Variants in CDH4 observed in about 807,000 individuals in gnomAD.
The protein encoded by CDH4 is cadherin 4.
CDH4 carries 33 observed loss-of-function variants against 86.0 expected under a neutral mutation model. The observed-to-expected ratio is 0.38, with a 90% CI of 0.29 to 0.51. The LOEUF (loss-of-function observed/expected upper bound fraction) is 0.51. Ranked by LOEUF, CDH4 falls within the 20% of genes least tolerant of loss-of-function variation. The pLI is 0.86. For missense variants in CDH4, 1,114 were observed against 1,307.4 expected (o/e 0.85, Z 2.28); for synonymous variants, 555 against 549.4 (o/e 1.01, Z -0.14).
At position 61,845,437 on chromosome 20, in the gene CDH4, G is replaced by A. The variant is rs1293439136; in HGVS notation, c.732+614G>A. Among the ~76,000 whole-genome samples the A allele has an allele frequency of 3.3e-5, 5 of 152,212 alleles. No homozygotes were observed. The East Asian group carries it at 5.8e-4, about 18-fold the overall frequency. The stretch of plus-strand genomic sequence containing the variant: ...CCAGGGGGCGGGCCTTCTCCTCCCG[G>A]GCCGAACTGACCCTGGCCGAGAGGA... On this transcript the variant is annotated intron_variant, in intron 5 of 15. Transcript: ENST00000614565.
At chr20:61,929,344 G>A (rs1312302984) in intron 12 of CDH4, among the ~76,000 whole-genome samples, 1 of 152,128 alleles carries the variant, frequency 6.6e-6, no homozygotes, top group Non-Finnish European at 1.5e-5. Flanking sequence ...TGCCATGTTG[G>A]CCAGGCTGGT....
intron 2 of CDH4, among the ~76,000 whole-genome samples, chr20:61,352,040 C>T (rs2084715895): frequency 6.6e-6 from 1 of 152,040 alleles, no homozygotes; most frequent in African/African-American, 2.4e-5. Context: ...TTTAAGTGTG[C>T]AATTAGATTA....
Position 61,393,671 on chromosome 20 carries a change from T to A in CDH4, c.169+138734T>A, listed in dbSNP as rs1466782564. On this transcript the variant is annotated intron_variant, in intron 2 of 15. Coordinates refer to ENST00000614565, the MANE Select transcript of CDH4 (RefSeq NM_001794.5). The surrounding 1 kb of genome is among the most constrained non-coding windows in gnomAD (Gnocchi z 4.3). Reference sequence around the variant, plus strand: ...GCAGCGAGGATCATCGAAGTAGACCTGGCTGGGTGAGAGTCACTGCAGCCC... The same window carrying A: ...GCAGCGAGGATCATCGAAGTAGACCAGGCTGGGTGAGAGTCACTGCAGCCC... Among the ~76,000 whole-genome samples, 2 of 152,136 alleles carry A rather than the reference T, an allele frequency of 1.3e-5. No homozygotes were observed. Among genetic ancestry groups the A allele is most frequent in the East Asian group, 3.9e-4 (2 of 5,188 alleles).
intron 2 of CDH4, among the ~76,000 whole-genome samples, chr20:61,375,552 G>A (rs2084862665): frequency 1.3e-5 from 2 of 151,112 alleles, no homozygotes; most frequent in South Asian, 4.2e-4. Context: ...TGGTCTTGGT[G>A]GTGGTGATGA....
intron 7 of CDH4, among the ~76,000 whole-genome samples, chr20:61,891,275 A>G (rs1355308617): frequency 6.6e-6 from 1 of 152,208 alleles, no homozygotes; most frequent in Non-Finnish European, 1.5e-5. Flanking sequence ...CTATGTGGTC[A>G]GCAGAACACA....
intron 2 of CDH4, among the ~76,000 whole-genome samples, chr20:61,372,103 TAG>T (rs1053157533): frequency 6.6e-6 from 1 of 152,340 alleles, no homozygotes; most frequent in East Asian, 1.9e-4. Flanking sequence ...CCTCCTGGGA[TAG>T]AGAGAAGCCG....
chr20:61,743,197 TG>T (rs1240532366), intron 2 of CDH4, among the ~76,000 whole-genome samples: 1 of 151,776 alleles, frequency 6.6e-6, no homozygotes, highest in African/African-American at 2.4e-5. Flanking sequence ...TAGGCAAGAG[TG>T]GGGGGAACTG....
intron 2 of CDH4, among the ~76,000 whole-genome samples, chr20:61,478,202 G>A (rs1212404290): frequency 4.6e-5 from 7 of 152,140 alleles, no homozygotes; most frequent in African/African-American, 9.7e-5. Flanking sequence ...GCCCGTGAGC[G>A]TGGAGTGTGC....
rs978681249 is a variant in CDH4, at chr20:61,611,173, C to T, written c.170-132390C>T. ...AGTCCCCAACTGCAGTGAGTGGGGC[C>T]GGAGCTTTCAGCCCCAGCCCCAGCC... On this transcript the variant is annotated intron_variant, in intron 2 of 15. Coordinates refer to ENST00000614565, the MANE Select transcript of CDH4 (RefSeq NM_001794.5). Among the ~76,000 whole-genome samples, 4 of 151,900 alleles carry T rather than the reference C, an allele frequency of 2.6e-5. No homozygotes were observed. The East Asian group carries it at 5.8e-4, about 22-fold the overall frequency.
Position 61,927,190 on chromosome 20 carries a change from C to T in CDH4, c.1772-1000C>T, listed in dbSNP as rs551035016. On this transcript the variant is annotated intron_variant, in intron 11 of 15. Coordinates refer to ENST00000614565, the MANE Select transcript of CDH4 (RefSeq NM_001794.5). Reference sequence around the variant, plus strand: ...CTCAGTCAAAACACGTGGTTGTTAACGTCAGGTCAGGAGCTGCCATCAGGA... The same window carrying T: ...CTCAGTCAAAACACGTGGTTGTTAATGTCAGGTCAGGAGCTGCCATCAGGA... Among the ~76,000 whole-genome samples, 5 of 152,380 alleles carry T rather than the reference C, an allele frequency of 3.3e-5. No individual in the cohort carries two copies. The South Asian group carries it at 6.2e-4, about 19-fold the overall frequency.
chr20:61,690,125 G>A (rs1419163776), intron 2 of CDH4, among the ~76,000 whole-genome samples: 8 of 148,174 alleles, frequency 5.4e-5, no homozygotes, highest in African/African-American at 1.8e-4. Flanking sequence ...ATGTGGATTC[G>A]GGTGGGGACA....
intron 2 of CDH4, among the ~76,000 whole-genome samples, chr20:61,562,578 T>A (rs1394911713): frequency 6.6e-6 from 1 of 152,192 alleles, no homozygotes; most frequent in Non-Finnish European, 1.5e-5. Flanking sequence ...CTGCAGGATC[T>A]GAGCACAGAA....
chr20:61,661,545 A>T (rs1005785143), intron 2 of CDH4, among the ~76,000 whole-genome samples: 2 of 143,146 alleles, frequency 1.4e-5, no homozygotes, highest in Middle Eastern at 7.6e-3. Flanking sequence ...CTTTTTTAAT[A>T]GCTGGAGGAA....
intron 4 of CDH4, among the ~76,000 whole-genome samples, chr20:61,827,311 C>T (rs1981371073): frequency 6.6e-6 from 1 of 152,194 alleles, no homozygotes; most frequent in African/African-American, 2.4e-5. Flanking sequence ...ATTTTACTTA[C>T]ATATTCCTGG....
chr20:61,922,778 G>A (rs572156279), intron 9 of CDH4, among the ~76,000 whole-genome samples: 1 of 152,180 alleles, frequency 6.6e-6, no homozygotes, highest in East Asian at 1.9e-4. Flanking sequence ...TGAAATTTTG[G>A]AGAGCCTTGC....
chr20:61,469,812 A>G (rs574932703), intron 2 of CDH4, among the ~76,000 whole-genome samples: 1 of 152,242 alleles, frequency 6.6e-6, no homozygotes, highest in East Asian at 1.9e-4. Context: ...TTTATTGAAG[A>G]GACAGTCTTT....
chr20:61,555,259 G>A (rs2086169027), intron 2 of CDH4, among the ~76,000 whole-genome samples: 1 of 152,230 alleles, frequency 6.6e-6, no homozygotes. Flanking sequence ...GTGTGCAGAG[G>A]TCATTTTAAG....
chr20:61,492,419 T>A (rs1280953886), intron 2 of CDH4, among the ~76,000 whole-genome samples: 1 of 152,158 alleles, frequency 6.6e-6, no homozygotes, highest in Admixed American at 6.5e-5. Flanking sequence ...GTGGTATTGA[T>A]GTTGCTGATG....
intron 7 of CDH4, among the ~76,000 whole-genome samples, chr20:61,877,746 C>T (rs1984096336): frequency 6.6e-6 from 1 of 152,140 alleles, no homozygotes; most frequent in African/African-American, 2.4e-5. Flanking sequence ...GTGAAACAAG[C>T]TGGTTGATGC....
Sources: allele counts gnomAD v4.1 joint callset (sites outside exome capture counted in the v4.1 genomes callset), GRCh38; gene constraint gnomAD v4.1.1; non-coding constraint Gnocchi (gnomAD v3.1); transcripts MANE v1.5; gene names NCBI Gene and HGNC (gene_info 2026-07-23, HGNC 2026-07-21).